Variants in SYNJ2 observed in about 807,000 individuals in gnomAD.
SYNJ2 encodes polyphosphatidylinositol phosphatase SYNJ2.
In SYNJ2, 116 loss-of-function variants were observed where a neutral mutation model predicts 141.3. The ratio of observed to expected loss-of-function variants is 0.82; its 90% CI spans 0.71 to 0.96. The LOEUF (loss-of-function observed/expected upper bound fraction) is 0.96. Among genes scored for constraint, SYNJ2 ranks in the 40% least tolerant of loss-of-function variants. SYNJ2 has a pLI of 0.00. For synonymous variants in SYNJ2, 745 were observed against 777.7 expected, an observed-to-expected ratio of 0.96 and a Z score of 0.70; for missense variants, 1,873 against 1,934.8, an observed-to-expected ratio of 0.97 and a Z score of 0.60.
intron 2 of SYNJ2, among the ~76,000 whole-genome samples, chr6:158,018,599 CA>C (rs1434699664): frequency 6.6e-6 from 1 of 152,228 alleles, no homozygotes; most frequent in African/African-American, 2.4e-5. Context: ...GTGACGATTA[CA>C]GTGATCATTT....
chr6:158,004,953 C>G (rs904267642), intron 1 of SYNJ2, among the ~76,000 whole-genome samples: 1 of 152,088 alleles, frequency 6.6e-6, no homozygotes, highest in African/African-American at 2.4e-5. Flanking sequence ...GTGAGTGACC[C>G]CACCCCTGCA....
chr6:158,027,090 T>A lies in SYNJ2; in HGVS notation c.215-1666T>A. ...GCAGGCCCCTGGGAGCCCTGAGCGC[T>A]CATTAAAGGAACGCACTTTAATGAC... On this transcript the variant is annotated intron_variant, in intron 2 of 26. Transcript: ENST00000355585. This position sits in a 1 kb window ranked among gnomAD's most constrained non-coding sequence, Gnocchi z 4.6. 2 of 985,300 alleles carry A rather than the reference T, an allele frequency of 2.0e-6. No homozygotes were observed. The highest frequency in any genetic ancestry group is 2.4e-6 in the Non-Finnish European group (2 of 829,922). The allele number at this position is 985,300 out of a possible 1,614,324, so 61.0% of individuals were successfully genotyped here.
chr6:158,023,399 G>A (rs958025636), intron 2 of SYNJ2, among the ~76,000 whole-genome samples: 1 of 152,152 alleles, frequency 6.6e-6, no homozygotes, highest in South Asian at 2.1e-4. Flanking sequence ...ATCAGTGCTG[G>A]GTCAGGTAGG....
intron 23 of SYNJ2, among the ~76,000 whole-genome samples, chr6:158,088,173 A>G (rs764343341): frequency 6.8e-6 from 1 of 147,028 alleles, no homozygotes; most frequent in South Asian, 2.1e-4. Flanking sequence ...CAATCCTCCT[A>G]CCTCAGCCTG....
Position 158,081,320 on chromosome 6 carries a change from C to T in SYNJ2, c.2779C>T (p.Leu927Phe), listed in dbSNP as rs1285582500. Residue 927 changes from leucine (L) to phenylalanine (F), a missense_variant, in exon 19 of 27, where the codon CTT (leucine) becomes TTT (phenylalanine). Transcript: ENST00000355585. ...CTTGGGGAGTTATGGGACAATTGTTCTTGTCAGGTAACTGCTCCCCTGGCT... is the reference window on the plus strand; with the variant it reads ...CTTGGGGAGTTATGGGACAATTGTTTTTGTCAGGTAACTGCTCCCCTGGCT... ...QTLGSYGTIV[L>F]VRINQGQMLV... 10 of 1,614,112 alleles carry T rather than the reference C, an allele frequency of 6.2e-6. No homozygotes were observed. Among genetic ancestry groups the T allele is most frequent in the South Asian group, 1.1e-5 (1 of 91,080 alleles).
chr6:158,064,471 C>T (rs781493006), intron 9 of SYNJ2, 130 bp from the exon 10 acceptor site: 16 of 1,172,792 alleles, frequency 1.4e-5, no homozygotes, highest in Non-Finnish European at 2.0e-5. Context: ...ACTCCTCATC[C>T]TCTGGAGGGG....
At chr6:158,037,548 C>T (rs1169877984) in intron 4 of SYNJ2, among the ~76,000 whole-genome samples, 2 of 151,908 alleles carry the variant, frequency 1.3e-5, no homozygotes, top group Non-Finnish European at 2.9e-5. Context: ...ACTACAGGCG[C>T]CCGCCACCAC....
chr6:158,075,959 G>A (rs1031463176), intron 16 of SYNJ2, among the ~76,000 whole-genome samples: 2 of 108,928 alleles, frequency 1.8e-5, no homozygotes, highest in African/African-American at 7.9e-5. Context: ...ACGACTGTAA[G>A]GCGGGAGGAT....
chr6:157,995,867 A>G (rs529499088), intron 1 of SYNJ2, among the ~76,000 whole-genome samples: 1 of 152,322 alleles, frequency 6.6e-6, no homozygotes, highest in South Asian at 2.1e-4. Context: ...GGAAAAGCAG[A>G]TGCCACTCCC....
At chr6:158,001,123 C>G (rs1379638776) in intron 1 of SYNJ2, 8 of 152,372 alleles carry the variant, frequency 5.3e-5, no homozygotes, top group African/African-American at 1.5e-4. Context: ...CTTAGTGACT[C>G]TAGCCCTCTC....
intron 3 of SYNJ2, among the ~76,000 whole-genome samples, chr6:158,032,896 G>A (rs11961258): frequency 0.026 from 4,018 of 152,210 alleles, 189 homozygotes; most frequent in African/African-American, 0.093. Context: ...TATTTTCCTC[G>A]GATCTTTTTA....
chr6:157,995,205 G>T (rs1777594713), intron 1 of SYNJ2, among the ~76,000 whole-genome samples: 1 of 152,202 alleles, frequency 6.6e-6, no homozygotes, highest in Non-Finnish European at 1.5e-5. Flanking sequence ...CAGACTTCTA[G>T]GGCCTTTGAG....
At position 158,098,122 on chromosome 6, in the gene SYNJ2, T is replaced by C. The variant is rs1417951555; in HGVS notation, c.*1758T>C. 1 of 152,168 alleles carries C rather than the reference T, an allele frequency of 6.6e-6. No homozygotes were observed. Among genetic ancestry groups the C allele is most frequent in the Non-Finnish European group, 1.5e-5 (1 of 68,032 alleles). 9.4% of individuals were successfully genotyped at this position (152,168 alleles called of 1,614,324 possible). A position where few individuals can be genotyped will look rare whatever the true frequency, so the allele number is the denominator to read the frequency against. The stretch of plus-strand genomic sequence containing the variant: ...AAATGAAATGAAATTGAAGAATTCA[T>C]TCAAATGCTCTTTTCCCTATAACCT... On this transcript the variant is annotated 3_prime_UTR_variant, in exon 27 of 27. Transcript: ENST00000355585.
intron 23 of SYNJ2, 53 bp from the exon 24 acceptor site, chr6:158,088,607 G>A: frequency 1.5e-6 from 2 of 1,378,820 alleles, no homozygotes; most frequent in Non-Finnish European, 2.1e-6. Context: ...GCAGCTGGCT[G>A]GGAAGTTGTG....
intron 7 of SYNJ2, among the ~76,000 whole-genome samples, chr6:158,060,874 G>A (rs957021921): frequency 3.9e-5 from 6 of 152,348 alleles, no homozygotes; most frequent in African/African-American, 1.4e-4. Flanking sequence ...AGGTAGGGAG[G>A]GGCACTCTAG....
intron 1 of SYNJ2, among the ~76,000 whole-genome samples, chr6:157,983,506 T>G (rs1002850560): frequency 1.3e-5 from 2 of 152,218 alleles, no homozygotes; most frequent in Non-Finnish European, 2.9e-5. Context: ...TTTCATCAAA[T>G]AGATTAAGAT....
chr6:158,082,523 A>G (rs961719120), intron 20 of SYNJ2, among the ~76,000 whole-genome samples: 1 of 147,422 alleles, frequency 6.8e-6, no homozygotes, highest in African/African-American at 2.5e-5. Flanking sequence ...GTAGCCAGAC[A>G]TGGTGGCGCG....
At position 158,097,874 on chromosome 6, in the gene SYNJ2, G is replaced by A. The variant is rs923120470; in HGVS notation, c.*1510G>A. The stretch of plus-strand genomic sequence containing the variant: ...AAAAAAGGAATCCGTGACCCACAGA[G>A]CTAGACAGATAAGATGCATAGTTGA... On this transcript the variant is annotated 3_prime_UTR_variant, in exon 27 of 27. Transcript: ENST00000355585. 6.0e-5 allele frequency: 9 copies of A among 150,136 alleles called. No individual in the cohort carries two copies. Among genetic ancestry groups the A allele is most frequent in the African/African-American group, 2.2e-4 (9 of 40,820 alleles). The allele number at this position is 150,136 out of a possible 1,614,324, so 9.3% of individuals were successfully genotyped here. A position where few individuals can be genotyped will look rare whatever the true frequency, so the allele number is the denominator to read the frequency against.
intron 1 of SYNJ2, among the ~76,000 whole-genome samples, chr6:157,992,153 A>T (rs1777464047): frequency 1.3e-5 from 2 of 152,226 alleles, no homozygotes; most frequent in South Asian, 4.1e-4. Context: ...TAGTTATTTT[A>T]AAATGTACAG....
Sources: allele counts gnomAD v4.1 joint callset (sites outside exome capture counted in the v4.1 genomes callset), GRCh38; gene constraint gnomAD v4.1.1; non-coding constraint Gnocchi (gnomAD v3.1); transcripts MANE v1.5; gene names NCBI Gene and HGNC (gene_info 2026-07-23, HGNC 2026-07-21).